The following ENPP4 variants were observed in gnomAD, a reference collection of about 807,000 sequenced individuals.
The protein encoded by ENPP4 is bis(5'-adenosyl)-triphosphatase ENPP4.
Under a neutral mutation model 33.4 loss-of-function variants are expected in ENPP4, and 18 were observed. The observed-to-expected ratio is 0.54, with a 90% CI of 0.37 to 0.80. ENPP4 has a LOEUF of 0.80. Ranked by LOEUF, ENPP4 falls within the 30% of genes least tolerant of loss-of-function variation. The pLI is 0.00. For synonymous variants in ENPP4, 172 were observed against 189.9 expected (o/e 0.91, Z 0.78); for missense variants, 480 against 541.7 (o/e 0.89, Z 1.13).
intron 1 of ENPP4, among the ~76,000 whole-genome samples, chr6:46,131,212 G>A (rs1562057743): frequency 2.6e-5 from 4 of 151,896 alleles, no homozygotes; most frequent in African/African-American, 9.7e-5. Context: ...ACAATGTGCA[G>A]GTTAGTTACA....
chr6:46,138,448 C>G (rs1244401537), intron 1 of ENPP4, among the ~76,000 whole-genome samples: 1 of 151,842 alleles, frequency 6.6e-6, no homozygotes, highest in Non-Finnish European at 1.5e-5. Flanking sequence ...AACATTGACT[C>G]CAGTTCTACT....
intron 1 of ENPP4, among the ~76,000 whole-genome samples, chr6:46,136,013 C>G (rs1159139397): frequency 6.6e-6 from 1 of 151,914 alleles, no homozygotes; most frequent in African/African-American, 2.4e-5. Context: ...AACACCTTAG[C>G]TTTTAAAATA....
At position 46,144,762 on chromosome 6, in the gene ENPP4, G is replaced by T. The variant is rs934263160; in HGVS notation, c.*1122G>T. 1.4e-4 allele frequency: 52 copies of T among 382,518 alleles called. No individual in the cohort carries two copies. Among genetic ancestry groups the T allele is most frequent in the Non-Finnish European group, 9.3e-6 (2 of 215,808 alleles). The allele number at this position is 382,518 out of a possible 1,614,324, so 23.7% of individuals were successfully genotyped here. On this transcript the variant is annotated 3_prime_UTR_variant, in exon 4 of 4. Transcript: ENST00000321037. ...TTTATGCCTTACTTTTTAGGCTATA[G>T]AATAGTTAAGAAATTTTAAACAAAA...
intron 1 of ENPP4, among the ~76,000 whole-genome samples, chr6:46,135,255 A>T (rs571049123): frequency 4.0e-4 from 61 of 152,106 alleles, no homozygotes; most frequent in Non-Finnish European, 5.6e-4. Flanking sequence ...GAAGACTGCC[A>T]GAATATTTTC....
rs114445357 is a variant in ENPP4, at chr6:46,136,042, A to C, written c.-33-3509A>C. Among the ~76,000 whole-genome samples the C allele has an allele frequency of 6.8e-3, 1,028 of 152,132 alleles. 9 individuals are homozygous for C. The highest frequency in any genetic ancestry group is 0.024 in the African/African-American group (993 of 41,544). On this transcript the variant is annotated intron_variant, in intron 1 of 3. Coordinates refer to ENST00000321037, the MANE Select transcript of ENPP4 (RefSeq NM_014936.5). ...TAAAATAATACATTATGGTGTATGA[A>C]TCTCAAACACACTGTTACAAATATG...
intron 1 of ENPP4, among the ~76,000 whole-genome samples, chr6:46,138,642 C>A (rs1040894797): frequency 9.2e-5 from 14 of 151,796 alleles, no homozygotes; most frequent in South Asian, 4.1e-4. Flanking sequence ...TCTCCTGTTA[C>A]AATGGAAGAG....
chr6:46,132,970 A>G (rs1219174298), intron 1 of ENPP4, among the ~76,000 whole-genome samples: 1 of 151,976 alleles, frequency 6.6e-6, no homozygotes, highest in Non-Finnish European at 1.5e-5. Context: ...TTGATGTATA[A>G]GAATGCTTGT....
chr6:46,143,561 T>G lies in ENPP4; in HGVS notation c.1283T>G (p.Met428Arg). 1 of 1,612,644 alleles carries G rather than the reference T, an allele frequency of 6.2e-7. No homozygotes were observed. ...ATGCTAACATGCCTCATAATAATCA[T>G]GCAGAATAGACTTTCTGTACCTCGT... ...LTMLTCLIII[M>R]QNRLSVPRPF... The change falls in exon 4 of 4, where the codon ATG (methionine) becomes AGG (arginine). Residue 428 changes from methionine to arginine, a missense_variant. Met to Arg is a moderately conservative substitution (Grantham distance 91). Around this residue, in one of 3 missense-constraint regions of ENPP4, gnomAD observed 249 missense variants for 251.8 expected, o/e 0.99. Transcript: ENST00000321037.
chr6:46,139,188 T>A lies in ENPP4; in HGVS notation c.-33-363T>A, dbSNP rs537857263. Among the ~76,000 whole-genome samples, 4 of 151,924 alleles carry A rather than the reference T, an allele frequency of 2.6e-5. No homozygotes were observed. In the East Asian group the frequency reaches 7.7e-4, roughly 29 times the overall value. On this transcript the variant is annotated intron_variant, in intron 1 of 3. Transcript: ENST00000321037. ...CATCATCTCTGGAGCCTCTGAAAGCTTGGCATTAACGTTATGTTTTACAAA... is the reference window on the plus strand; with the variant it reads ...CATCATCTCTGGAGCCTCTGAAAGCATGGCATTAACGTTATGTTTTACAAA...
At chr6:46,133,556 C>T (rs1376283290) in intron 1 of ENPP4, among the ~76,000 whole-genome samples, 8 of 152,158 alleles carry the variant, frequency 5.3e-5, no homozygotes, top group Non-Finnish European at 7.4e-5. Flanking sequence ...AACGTCTTCC[C>T]AGAGAAATTA....
chr6:46,139,844 C>T lies in ENPP4; in HGVS notation c.261C>T (p.Gly87=). ...CAGGCTTGTATGAAGAAAGCCATGG[C>T]ATTGTGGCTAATTCCATGTATGATG... ...IVTGLYEESH[G]IVANSMYDAV... The change falls in exon 2 of 4, where the codon GGC becomes GGT. Residue 87 remains glycine, a synonymous_variant. Coordinates refer to ENST00000321037, the MANE Select transcript of ENPP4 (RefSeq NM_014936.5). The T allele has an allele frequency of 6.2e-7, 1 of 1,612,482 alleles. No individual in the cohort carries two copies. Among genetic ancestry groups the T allele is most frequent in the Non-Finnish European group, 8.5e-7 (1 of 1,178,920 alleles).
intron 1 of ENPP4, among the ~76,000 whole-genome samples, chr6:46,137,781 C>T (rs1763997138): frequency 6.6e-6 from 1 of 151,732 alleles, no homozygotes; most frequent in Non-Finnish European, 1.5e-5. Context: ...AACCTGTCTC[C>T]GATTAAAATA....
At chr6:46,141,273 C>G (rs750089617) in intron 3 of ENPP4, 51 bp downstream of exon 3, 1 of 1,325,430 alleles carries the variant, frequency 7.5e-7, no homozygotes, top group South Asian at 1.2e-5. Flanking sequence ...CAAATCATAC[C>G]TTGTGATACT....
At chr6:46,140,659 G>T (rs1257499508) in intron 2 of ENPP4, among the ~76,000 whole-genome samples, 1 of 151,638 alleles carries the variant, frequency 6.6e-6, no homozygotes, top group Non-Finnish European at 1.5e-5. Context: ...ATTTGCACTA[G>T]AAAAAGGAAA....
rs1324164887 is a variant in ENPP4, at chr6:46,146,587, G to T, written c.*2947G>T. The T allele has an allele frequency of 6.6e-6, 1 of 152,270 alleles. No individual in the cohort carries two copies. The highest frequency in any genetic ancestry group is 1.5e-5 in the Non-Finnish European group (1 of 67,822). 9.4% of individuals were successfully genotyped at this position (152,270 alleles called of 1,614,324 possible). ...CCTTAATTTAAATTAAAATATTTTT[G>T]ACTGTTACTTGAGTTCAGAATTAAT... On this transcript the variant is annotated 3_prime_UTR_variant, in exon 4 of 4. Coordinates refer to ENST00000321037, the MANE Select transcript of ENPP4 (RefSeq NM_014936.5).
At position 46,143,789 on chromosome 6, in the gene ENPP4, T is replaced by C. The variant is rs34804250; in HGVS notation, c.*149T>C. ...TAAAATTATTACTTTGTTTTCCTTG[T>C]GTTTTGTTTCGGTGCATTTGCTAAT... On this transcript the variant is annotated 3_prime_UTR_variant, in exon 4 of 4. Transcript: ENST00000321037. The C allele has an allele frequency of 5.8e-6, 5 of 858,476 alleles. No individual in the cohort carries two copies. Among genetic ancestry groups the C allele is most frequent in the Non-Finnish European group, 7.0e-6 (4 of 570,038 alleles). 53.2% of individuals were successfully genotyped at this position (858,476 alleles called of 1,614,324 possible). A position where few individuals can be genotyped will look rare whatever the true frequency, so the allele number is the denominator to read the frequency against.
rs766472788 is a variant in ENPP4 at position 46,140,104 on chromosome 6, C to A, written c.521C>A (p.Ser174Ter). Residue 174 changes from serine (S) to a stop codon, truncating the protein, a stop_gained, in exon 2 of 4, where the codon TCG becomes TAG. Coordinates refer to ENST00000321037, the MANE Select transcript of ENPP4 (RefSeq NM_014936.5). LOFTEE classifies it high-confidence loss of function. ...LNNITMWLNN[S>*]NPPVTFATLY... ...AATATTACTATGTGGCTAAACAATT[C>A]GAACCCACCAGTCACCTTTGCAACA... 1 of 1,612,262 alleles carries A rather than the reference C, an allele frequency of 6.2e-7. No individual in the cohort carries two copies. Among genetic ancestry groups the A allele is most frequent in the East Asian group, 2.2e-5 (1 of 44,872 alleles).
At position 46,143,714 on chromosome 6, in the gene ENPP4, A is replaced by C; in HGVS notation, c.*74A>C. 7.4e-7 allele frequency: 1 copy of C among 1,356,318 alleles called. No homozygotes were observed. Among genetic ancestry groups the C allele is most frequent in the Non-Finnish European group, 1.0e-6 (1 of 991,940 alleles). 84.0% of individuals were successfully genotyped at this position (1,356,318 alleles called of 1,614,324 possible). A position where few individuals can be genotyped will look rare whatever the true frequency, so the allele number is the denominator to read the frequency against. ...GAATACATCCAAAGAATAGTGTTGT[A>C]ACTATGAAAAAGAATACTTTGAAAG... On this transcript the variant is annotated 3_prime_UTR_variant, in exon 4 of 4. Transcript: ENST00000321037.
At position 46,130,100 on chromosome 6, in the gene ENPP4, C is replaced by T. The variant is rs890708048; in HGVS notation, c.-123C>T. 3.9e-5 allele frequency: 6 copies of T among 152,016 alleles called. No homozygotes were observed. The South Asian group carries it at 1.3e-3, about 32-fold the overall frequency. 9.4% of individuals were successfully genotyped at this position (152,016 alleles called of 1,614,324 possible). On this transcript the variant is annotated 5_prime_UTR_variant, in exon 1 of 4. Transcript: ENST00000321037. ...AGAGCTCGGCATCGCCCCTCTTCCT[C>T]CAGGTCCCCCTTCCCCGCAACTTCC...
Sources: gnomAD v4.1 joint callset for allele counts (sites outside exome capture counted in the v4.1 genomes callset) on GRCh38, gnomAD v4.1.1 for gene constraint, gnomAD v4.1.1 regional missense constraint, MANE v1.5 for transcripts, NCBI Gene and HGNC (gene_info 2026-07-23, HGNC 2026-07-21) for gene names.